The following NOL12 variants were observed in gnomAD, a reference collection of about 807,000 sequenced individuals.
The protein encoded by NOL12 is nucleolar protein 12.
NOL12 carries 21 observed loss-of-function variants against 25.2 expected under a neutral mutation model. The ratio of observed to expected loss-of-function variants is 0.83; its 90% CI spans 0.59 to 1.20. The LOEUF is 1.20. NOL12 is among the 50% of genes most tolerant of loss of function. NOL12 has a pLI of 0.00. For missense variants in NOL12, 286 were observed against 287.6 expected (o/e 0.99, Z 0.04); for synonymous variants, 133 against 113.8 (o/e 1.17, Z -1.08).
rs528238286 is a variant in NOL12, at chr22:37,692,982, G to A, written c.*1646G>A. The A allele has an allele frequency of 2.2e-4, 73 of 335,824 alleles. 1 individual carries two copies. The South Asian group carries it at 8.7e-3, about 40-fold the overall frequency. 20.8% of individuals were successfully genotyped at this position (335,824 alleles called of 1,614,324 possible). A position where few individuals can be genotyped will look rare whatever the true frequency, so the allele number is the denominator to read the frequency against. Reference sequence around the variant, plus strand: ...CGCCTTGGCCTGGCTTCTTGGCTCCGCCCACCTGCTCTCCCTGCCACCAAG... The same window carrying A: ...CGCCTTGGCCTGGCTTCTTGGCTCCACCCACCTGCTCTCCCTGCCACCAAG... On this transcript the variant is annotated 3_prime_UTR_variant, in exon 6 of 6. Transcript: ENST00000359114.
intron 2 of NOL12, 74 bp downstream of exon 2, chr22:37,688,089 G>T: frequency 7.6e-7 from 1 of 1,313,940 alleles, no homozygotes; most frequent in Non-Finnish European, 1.1e-6. Flanking sequence ...CCTAATAGAG[G>T]CAGCTGCTGG....
At chr22:37,687,014 G>A (rs1921844962) in intron 1 of NOL12, 22 of 985,314 alleles carry the variant, frequency 2.2e-5, no homozygotes, top group South Asian at 9.4e-5. Flanking sequence ...TAGCACTGTG[G>A]AGATGAGAAG....
chr22:37,689,083 C>T (rs1921950754), intron 4 of NOL12, 91 bp downstream of exon 4: 3 of 1,447,822 alleles, frequency 2.1e-6, no homozygotes, highest in Non-Finnish European at 2.9e-6. Context: ...CATGGGTATC[C>T]CACTGCCAGC....
chr22:37,686,452 T>TA lies in NOL12; in HGVS notation c.61dup (p.Ser21LysfsTer27), dbSNP rs1921817521. The TA allele has an allele frequency of 6.2e-7, 1 of 1,604,284 alleles. No homozygotes were observed. Among genetic ancestry groups the TA allele is most frequent in the Admixed American group, 1.7e-5 (1 of 58,564 alleles). ...ACGACCGGCGGCCGAGGCTCGTTCT[T>TA]AGCTTCGACGAGGAGAAGAGGCGGT... On this transcript the variant is annotated frameshift_variant, in exon 1 of 6. Coordinates refer to ENST00000359114, the MANE Select transcript of NOL12 (RefSeq NM_024313.3). LOFTEE classifies it high-confidence loss of function.
intron 4 of NOL12, among the ~76,000 whole-genome samples, chr22:37,689,997 C>A (rs576679655): frequency 1.3e-5 from 2 of 152,220 alleles, no homozygotes; most frequent in Non-Finnish European, 2.9e-5. Context: ...CGTGGAGAAA[C>A]CCTGTCTCTA....
intron 1 of NOL12, 30 bp downstream of exon 1, chr22:37,686,505 T>A: frequency 6.4e-7 from 1 of 1,558,218 alleles, no homozygotes; most frequent in Non-Finnish European, 8.6e-7. Flanking sequence ...CGGACTCCCC[T>A]CGAGCTGTTC....
Position 37,690,697 on chromosome 22 carries a change from G to A in NOL12, c.382G>A (p.Gly128Arg). ...ARLLGLTPPEGGAGDRSEEEA... is the reference protein window; with the variant it reads ...ARLLGLTPPERGAGDRSEEEA... ...AAGTCATTGTCTTGTGCCTCTTTAGGGAGGGGCTGGAGACAGGTCTGAGGA... is the reference window on the plus strand; with the variant it reads ...AAGTCATTGTCTTGTGCCTCTTTAGAGAGGGGCTGGAGACAGGTCTGAGGA... The change falls in exon 5 of 6, where the codon GGA becomes AGA. Residue 128 changes from glycine (G) to arginine (R), a missense_variant and splice_region_variant. By Grantham distance (125) the Gly-to-Arg change is moderately radical. Transcript: ENST00000359114. 6.2e-7 allele frequency: 1 copy of A among 1,611,444 alleles called. No individual in the cohort carries two copies. Among genetic ancestry groups the A allele is most frequent in the Non-Finnish European group, 8.5e-7 (1 of 1,178,058 alleles).
At position 37,688,329 on chromosome 22, in the gene NOL12, G is replaced by C; in HGVS notation, c.207G>C (p.Leu69Phe). Residue 69 changes from leucine (L) to phenylalanine (F), a missense_variant, in exon 3 of 6, where the codon TTG becomes TTC. Physicochemically the swap from Leu to Phe is conservative, Grantham distance 22. Transcript: ENST00000359114. Reference sequence around the variant, plus strand: ...GGTTTCAGCGCCACCAGGAATACTTGAAGATGCTGGCAGAGAGAGAAGAGG... The same window carrying C: ...GGTTTCAGCGCCACCAGGAATACTTCAAGATGCTGGCAGAGAGAGAAGAGG... ...KLREERHQEY[L>F]KMLAEREEAL... 1 of 1,614,196 alleles carries C rather than the reference G, an allele frequency of 6.2e-7. No homozygotes were observed.
chr22:37,691,440 C>G lies in NOL12; in HGVS notation c.*104C>G. 2 of 1,309,646 alleles carry G rather than the reference C, an allele frequency of 1.5e-6. No individual in the cohort carries two copies. The highest frequency in any genetic ancestry group is 2.0e-6 in the Non-Finnish European group (2 of 992,618). 81.1% of individuals were successfully genotyped at this position (1,309,646 alleles called of 1,614,324 possible). On this transcript the variant is annotated 3_prime_UTR_variant, in exon 6 of 6. Transcript: ENST00000359114. ...CTGCACCTAGGTAATGACTGCACAG[C>G]TCAAGGTTGGGAAGCCAGGACCTCT...
rs902300660 is a variant in NOL12 at position 37,688,371 on chromosome 22, T to C, written c.238+11T>C. On this transcript the variant is annotated intron_variant, in intron 3 of 5. Transcript: ENST00000359114. Reference sequence around the variant, plus strand: ...GAGAAGAGGCTCTGGGTAAGTGGCATGCTTGGCCTGACCTGGAGAACAGCT... The same window carrying C: ...GAGAAGAGGCTCTGGGTAAGTGGCACGCTTGGCCTGACCTGGAGAACAGCT... 2.5e-6 allele frequency: 4 copies of C among 1,614,010 alleles called. No individual in the cohort carries two copies. The highest frequency in any genetic ancestry group is 3.4e-6 in the Non-Finnish European group (4 of 1,179,862).
chr22:37,692,523 T>C lies in NOL12; in HGVS notation c.*1187T>C. On this transcript the variant is annotated 3_prime_UTR_variant, in exon 6 of 6. Transcript: ENST00000359114. ...CCTGTCCCTTCCTTGTCCCAGCTTGTCAGTCCTGGGCAGGAGAGAATTTCA... is the reference window on the plus strand; with the variant it reads ...CCTGTCCCTTCCTTGTCCCAGCTTGCCAGTCCTGGGCAGGAGAGAATTTCA... 1 of 398,696 alleles carries C rather than the reference T, an allele frequency of 2.5e-6. No individual in the cohort carries two copies. The highest frequency in any genetic ancestry group is 4.4e-6 in the Non-Finnish European group (1 of 226,142). The allele number at this position is 398,696 out of a possible 1,614,324, so 24.7% of individuals were successfully genotyped here. A position where few individuals can be genotyped will look rare whatever the true frequency, so the allele number is the denominator to read the frequency against.
In NOL12 at chr22:37,688,916, A is replaced by C; in HGVS notation, c.305A>C (p.Asn102Thr). 1 of 1,613,582 alleles carries C rather than the reference A, an allele frequency of 6.2e-7. No homozygotes were observed. The highest frequency in any genetic ancestry group is 8.5e-7 in the Non-Finnish European group (1 of 1,179,932). The part of the protein sequence containing the change: ...KTESVQYDHP[N>T]HTVTVTTISD... Reference sequence around the variant, plus strand: ...GAGTCGGTGCAGTATGACCACCCCAACCACACAGTCACCGTGACCACCATC... The same window carrying C: ...GAGTCGGTGCAGTATGACCACCCCACCCACACAGTCACCGTGACCACCATC... Residue 102 changes from asparagine to threonine, a missense_variant, in exon 4 of 6, where the codon AAC becomes ACC. Asn to Thr is a moderately conservative substitution (Grantham distance 65, BLOSUM62 0). Coordinates refer to ENST00000359114, the MANE Select transcript of NOL12 (RefSeq NM_024313.3).
At chr22:37,686,549 G>T (rs1032429870) in intron 1 of NOL12, 74 bp downstream of exon 1, 13 of 1,442,472 alleles carry the variant, frequency 9.0e-6, no homozygotes, top group Non-Finnish European at 1.2e-5. Context: ...GGCCGAGCAC[G>T]CTCCCGCCGG....
rs1242799420 is a variant in NOL12, at chr22:37,691,035, CTG to C, written c.480-138_480-137del. On this transcript the variant is annotated intron_variant, in intron 5 of 5. Coordinates refer to ENST00000359114, the MANE Select transcript of NOL12 (RefSeq NM_024313.3). ...CTGAGCTGAGTTGCTGGCAGGCACT[CTG>C]GAGGTAGAGCAGGCCAACTCTGGCA... 7 of 1,035,620 alleles carry C rather than the reference CTG, an allele frequency of 6.8e-6. No homozygotes were observed. The East Asian group carries it at 1.7e-4, about 25-fold the overall frequency. 64.2% of individuals were successfully genotyped at this position (1,035,620 alleles called of 1,614,324 possible).
intron 5 of NOL12, 63 bp from the exon 6 acceptor site, chr22:37,691,111 T>G: frequency 3.9e-6 from 6 of 1,527,376 alleles, no homozygotes; most frequent in East Asian, 2.3e-5. Context: ...ATCCCCTCCG[T>G]GAGCCAGGTG....
At position 37,692,728 on chromosome 22, in the gene NOL12, C is replaced by T. The variant is rs766038126; in HGVS notation, c.*1392C>T. The T allele has an allele frequency of 1.5e-4, 61 of 399,208 alleles. No individual in the cohort carries two copies. The highest frequency in any genetic ancestry group is 6.6e-4 in the Admixed American group (15 of 22,742). The allele number at this position is 399,208 out of a possible 1,614,324, so 24.7% of individuals were successfully genotyped here. A position where few individuals can be genotyped will look rare whatever the true frequency, so the allele number is the denominator to read the frequency against. ...CTCTACCCGCCCTGATGTGGGAGCT[C>T]CTGGAGTGGGGGTGAGCAGTGAGCC... On this transcript the variant is annotated 3_prime_UTR_variant, in exon 6 of 6. Coordinates refer to ENST00000359114, the MANE Select transcript of NOL12 (RefSeq NM_024313.3).
chr22:37,688,278 A>G (rs369012650), intron 2 of NOL12, 34 bp from the exon 3 acceptor site: 170 of 1,612,338 alleles, frequency 1.1e-4, no homozygotes, highest in Non-Finnish European at 1.4e-4. Context: ...CTGAGAGGCC[A>G]TACTCACTGT....
In NOL12 at chr22:37,691,489, G is replaced by T. The variant is rs2145798986; in HGVS notation, c.*153G>T. 3 of 334,856 alleles carry T rather than the reference G, an allele frequency of 9.0e-6. No individual in the cohort carries two copies. In the South Asian group the frequency reaches 2.4e-4, roughly 27 times the overall value. The allele number at this position is 334,856 out of a possible 1,614,324, so 20.7% of individuals were successfully genotyped here. On this transcript the variant is annotated 3_prime_UTR_variant, in exon 6 of 6. Coordinates refer to ENST00000359114, the MANE Select transcript of NOL12 (RefSeq NM_024313.3). ...CTCTGGCCTGGGGCCAGCTGCCTTT[G>T]CCTGGGGTCAGCTGCCTTTGCCTGG...
chr22:37,686,846 C>T (rs768505265), intron 1 of NOL12: 10 of 985,318 alleles, frequency 1.0e-5, no homozygotes, highest in Non-Finnish European at 1.2e-5. Context: ...TTCATTCGCT[C>T]CCTAGACATT....
Sources: allele counts gnomAD v4.1 joint callset (sites outside exome capture counted in the v4.1 genomes callset), GRCh38; gene constraint gnomAD v4.1.1; transcripts MANE v1.5; gene names NCBI Gene and HGNC (gene_info 2026-07-23, HGNC 2026-07-21).